ZIM2: variants seen among roughly 807,000 people sequenced by gnomAD.
ZIM2 encodes zinc finger protein 656.
Under a neutral mutation model 38.6 loss-of-function variants are expected in ZIM2, and 14 were observed. That is an observed-to-expected ratio of 0.36 (90% CI 0.24 to 0.57). The LOEUF is 0.57. Ranked by LOEUF, ZIM2 falls within the 20% of genes least tolerant of loss-of-function variation. ZIM2 has a pLI of 0.81. For missense variants in ZIM2, 680 were observed against 695.1 expected (o/e 0.98, Z 0.24); for synonymous variants, 247 against 245.8 (o/e 1.00, Z -0.04).
chr19:56,817,575 T>C (rs1304851708), intron 9 of ZIM2, 171 bp downstream of exon 9: 5 of 1,585,848 alleles, frequency 3.2e-6, no homozygotes, highest in Non-Finnish European at 4.3e-6. Context: ...GCATAGTTTT[T>C]AGACCTGGAA....
chr19:56,802,607 T>C (rs918483087), intron 9 of ZIM2, among the ~76,000 whole-genome samples: 13 of 152,342 alleles, frequency 8.5e-5, no homozygotes, highest in African/African-American at 2.9e-4. Flanking sequence ...TGCCTCCAAG[T>C]TGTACATGGT....
Position 56,786,744 on chromosome 19 carries a change from G to C in ZIM2, c.570+3128C>G, listed in dbSNP as rs182995235. On this transcript the variant is annotated intron_variant, in intron 10 of 12. Coordinates refer to ENST00000629319, the MANE Select transcript of ZIM2 (RefSeq NM_001387356.1). ...TAAATCTTTGACAATTTCATTCATG[G>C]ATAGTGTGTTGGGTGGGAAGAGCAC... Among the ~76,000 whole-genome samples the C allele has an allele frequency of 5.3e-3, 804 of 152,274 alleles. 2 individuals are homozygous for C. Among genetic ancestry groups the C allele is most frequent in the Non-Finnish European group, 9.1e-3 (621 of 68,014 alleles).
At chr19:56,829,273 G>C (rs981643838) in intron 2 of ZIM2, among the ~76,000 whole-genome samples, 3 of 151,168 alleles carry the variant, frequency 2.0e-5, no homozygotes, top group African/African-American at 7.3e-5. Flanking sequence ...GGACCCAGGA[G>C]GCAGAGGTTG....
chr19:56,791,148 C>T (rs746786030), intron 9 of ZIM2: 2 of 152,162 alleles, frequency 1.3e-5, no homozygotes, highest in Non-Finnish European at 2.9e-5. Flanking sequence ...TCCACTATAT[C>T]CATATGAGGC....
intron 9 of ZIM2, among the ~76,000 whole-genome samples, chr19:56,796,134 C>T (rs1038443249): frequency 1.4e-4 from 21 of 151,848 alleles, no homozygotes; most frequent in African/African-American, 4.4e-4. Context: ...GTGTGTAAGG[C>T]TTCCCTCAGT....
intron 9 of ZIM2, among the ~76,000 whole-genome samples, chr19:56,796,026 C>G (rs1157105640): frequency 1.3e-5 from 2 of 152,148 alleles, no homozygotes; most frequent in Non-Finnish European, 2.9e-5. Context: ...GCACCATTCA[C>G]CAAAATTTTA....
intron 2 of ZIM2, chr19:56,833,410 C>T (rs2061767220): frequency 2.9e-6 from 1 of 340,066 alleles, no homozygotes; most frequent in Non-Finnish European, 5.8e-6. Context: ...GCTCCATTCT[C>T]CTGCCTCTCT....
chr19:56,834,035 G>A (rs1326264335), intron 2 of ZIM2, among the ~76,000 whole-genome samples: 2 of 152,148 alleles, frequency 1.3e-5, no homozygotes, highest in Admixed American at 6.5e-5. Context: ...ATATCTAAGA[G>A]TTCAGTCTTA....
chr19:56,792,890 G>A (rs1297209578), intron 9 of ZIM2, among the ~76,000 whole-genome samples: 1 of 152,176 alleles, frequency 6.6e-6, no homozygotes, highest in Non-Finnish European at 1.5e-5. Context: ...TGTATAAAAT[G>A]CATTCTTTCA....
chr19:56,786,209 C>T (rs1434664028), intron 10 of ZIM2, among the ~76,000 whole-genome samples: 1 of 152,176 alleles, frequency 6.6e-6, no homozygotes, highest in Non-Finnish European at 1.5e-5. Context: ...GTGCTGTACA[C>T]ATAAGAAGAA....
At chr19:56,810,735 A>G in intron 9 of ZIM2, 2 of 984,270 alleles carry the variant, frequency 2.0e-6, no homozygotes, top group South Asian at 9.4e-5. Flanking sequence ...CATATTTAAC[A>G]CTGTTATCAC....
intron 1 of ZIM2, among the ~76,000 whole-genome samples, chr19:56,839,089 G>A (rs982333075): frequency 2.7e-5 from 4 of 149,782 alleles, no homozygotes; most frequent in African/African-American, 4.9e-5. Context: ...CAACCAACTA[G>A]GACAGCGCCT....
intron 2 of ZIM2, among the ~76,000 whole-genome samples, chr19:56,829,181 T>A (rs1299790224): frequency 1.3e-5 from 2 of 151,906 alleles, no homozygotes; most frequent in Non-Finnish European, 2.9e-5. Flanking sequence ...TGAAACTCCA[T>A]CTCTACTAAA....
chr19:56,804,923 G>A (rs906364273), intron 9 of ZIM2, among the ~76,000 whole-genome samples: 1 of 152,212 alleles, frequency 6.6e-6, no homozygotes, highest in African/African-American at 2.4e-5. Flanking sequence ...AGTGGCAGAG[G>A]CAATATTTGT....
intron 12 of ZIM2, among the ~76,000 whole-genome samples, chr19:56,776,451 G>GTGTACCTTC (rs1226963395): frequency 6.6e-6 from 1 of 152,222 alleles, no homozygotes; most frequent in Non-Finnish European, 1.5e-5. Flanking sequence ...GGTACAGAAT[G>GTGTACCTTC]TGGCATTTCT....
At chr19:56,840,480 G>A (rs1041822996) in intron 1 of ZIM2, 102 bp downstream of exon 1, 2 of 152,248 alleles carry the variant, frequency 1.3e-5, no homozygotes, top group Non-Finnish European at 2.9e-5. Flanking sequence ...GCTTGCCGCG[G>A]GGTCTTGGGC....
At position 56,781,894 on chromosome 19, in the gene ZIM2, A is replaced by AGTTGAGAACTACT; in HGVS notation, c.739+58_739+59insAGTAGTTCTCAAC. On this transcript the variant is annotated intron_variant, in intron 11 of 12. Transcript: ENST00000629319. ...CATTACTGATGAGAGGACACGAAGG[A>AGTTGAGAACTACT]GTTGAGAGCTACTGCCCTAGTGGGA... The AGTTGAGAACTACT allele has an allele frequency of 6.4e-6, 10 of 1,571,890 alleles. No individual in the cohort carries two copies. The South Asian group carries it at 1.2e-4, about 18-fold the overall frequency.
chr19:56,790,162 C>A (rs1024731615), intron 9 of ZIM2: 5 of 402,514 alleles, frequency 1.2e-5, no homozygotes, highest in African/African-American at 8.2e-5. Context: ...CTAAATGCTT[C>A]AATGGCTCCC....
intron 12 of ZIM2, 115 bp from the exon 13 acceptor site, chr19:56,775,644 C>G: frequency 1.4e-6 from 2 of 1,458,562 alleles, no homozygotes; most frequent in South Asian, 3.2e-5. Context: ...TTTCAGGTCT[C>G]TTTTCCTAAT....
Sources: allele counts gnomAD v4.1 joint callset (sites outside exome capture counted in the v4.1 genomes callset), GRCh38; gene constraint gnomAD v4.1.1; transcripts MANE v1.5; gene names NCBI Gene and HGNC (gene_info 2026-07-23, HGNC 2026-07-21).